The following CCDC12 variants were observed in gnomAD, a reference collection of about 807,000 sequenced individuals.
CCDC12 encodes coiled-coil domain-containing protein 12.
CCDC12 carries 28 observed loss-of-function variants against 25.7 expected under a neutral mutation model. The ratio of observed to expected loss-of-function variants is 1.09; its 90% CI spans 0.81 to 1.50. The LOEUF is 1.50. Among genes scored for constraint, CCDC12 ranks in the 40% most tolerant of loss-of-function variants. The pLI is 0.00. For missense variants in CCDC12, 198 were observed against 210.0 expected, an observed-to-expected ratio of 0.94 and a Z score of 0.35; for synonymous variants, 75 against 87.7, an observed-to-expected ratio of 0.86 and a Z score of 0.81.
intron 2 of CCDC12, among the ~76,000 whole-genome samples, chr3:46,937,323 T>A (rs1575543967): frequency 6.6e-6 from 1 of 152,170 alleles, no homozygotes; most frequent in East Asian, 1.9e-4. Context: ...ATGTTCTCCA[T>A]AAGGCCTTGT....
intron 1 of CCDC12, among the ~76,000 whole-genome samples, chr3:46,952,320 A>C (rs2034154727): frequency 6.6e-6 from 1 of 152,218 alleles, no homozygotes; most frequent in African/African-American, 2.4e-5. Context: ...CTTGTTGCAC[A>C]GATGCAAGAA....
chr3:46,977,366 G>C (rs1405187991), upstream of CCDC12, among the ~76,000 whole-genome samples: 2 of 151,856 alleles, frequency 1.3e-5, no homozygotes, highest in East Asian at 1.9e-4. Context: ...CCAGCTACTC[G>C]GGAGGCTGAG....
chr3:46,930,852 GCCTCT>G (rs2033178283), intron 2 of CCDC12, among the ~76,000 whole-genome samples: 1 of 152,072 alleles, frequency 6.6e-6, no homozygotes, highest in Non-Finnish European at 1.5e-5. Context: ...TGCCCCACTT[GCCTCT>G]CTACCCTCTC....
chr3:46,976,514 A>AGCGCCCGCGCATGC (rs1379646737), intron 1 of CCDC12, 123 bp downstream of exon 1: 75 of 1,446,658 alleles, frequency 5.2e-5, no homozygotes, highest in Non-Finnish European at 6.4e-5. Context: ...CGCATGCGTT[A>AGCGCCCGCGCATGC]GCGCCCGCGC....
Position 46,948,693 on chromosome 3 carries a change from G to A in CCDC12, c.97-7628C>T, listed in dbSNP as rs185999337. On this transcript the variant is annotated intron_variant, in intron 1 of 6. Transcript: ENST00000683445. ...CCCGCTCCACTCAGAAGAGAGGCAC[G>A]CTGGGCCCCACCATCCATATGGCAC... Among the ~76,000 whole-genome samples, 190 of 152,340 alleles carry A rather than the reference G, an allele frequency of 1.2e-3. 1 individual carries two copies. Among genetic ancestry groups the A allele is most frequent in the East Asian group, 5.6e-3 (29 of 5,180 alleles).
chr3:46,931,488 TTTCATGG>T (rs2033209565), intron 2 of CCDC12, among the ~76,000 whole-genome samples: 2 of 151,716 alleles, frequency 1.3e-5, no homozygotes, highest in Non-Finnish European at 2.9e-5. Flanking sequence ...CTCATGGGGG[TTTCATGG>T]CCCCTGGTCC....
intron 1 of CCDC12, among the ~76,000 whole-genome samples, chr3:46,947,461 A>G (rs948694057): frequency 6.6e-6 from 1 of 152,042 alleles, no homozygotes; most frequent in Admixed American, 6.5e-5. Flanking sequence ...CCGGAGTCTG[A>G]CTCACCCTGA....
intron 1 of CCDC12, among the ~76,000 whole-genome samples, chr3:46,949,336 C>A (rs1387765518): frequency 6.6e-6 from 1 of 152,144 alleles, no homozygotes; most frequent in Non-Finnish European, 1.5e-5. Flanking sequence ...AAGGCCCCTC[C>A]CACTGCCCTG....
chr3:46,974,741 C>A (rs547375153), intron 1 of CCDC12, among the ~76,000 whole-genome samples: 2 of 152,190 alleles, frequency 1.3e-5, no homozygotes, highest in Non-Finnish European at 2.9e-5. Context: ...GTGGGAAGTG[C>A]CCCCCATCTC....
intron 1 of CCDC12, among the ~76,000 whole-genome samples, chr3:46,950,092 C>T (rs2107158644): frequency 6.6e-6 from 1 of 152,054 alleles, no homozygotes; most frequent in Middle Eastern, 3.4e-3. Context: ...CCAAGTCCTG[C>T]TGTCCCTCAG....
intron 1 of CCDC12, among the ~76,000 whole-genome samples, chr3:46,957,036 C>T (rs925432358): frequency 2.6e-5 from 4 of 152,166 alleles, no homozygotes; most frequent in East Asian, 1.9e-4. Context: ...ACAAAAGCTC[C>T]ACCTTGAGTC....
intron 1 of CCDC12, among the ~76,000 whole-genome samples, chr3:46,942,131 C>A (rs1053002177): frequency 6.6e-6 from 1 of 152,262 alleles, no homozygotes; most frequent in South Asian, 2.1e-4. Flanking sequence ...ACTGCTTCCA[C>A]CTGAAGCAGA....
intron 1 of CCDC12, among the ~76,000 whole-genome samples, chr3:46,954,288 T>A (rs1236528433): frequency 2.0e-5 from 3 of 152,118 alleles, no homozygotes; most frequent in Non-Finnish European, 4.4e-5. Flanking sequence ...GTAGATAGGA[T>A]CCTTAGGCTG....
At position 46,936,307 on chromosome 3, in the gene CCDC12, C is replaced by T. The variant is rs1026624124; in HGVS notation, c.164+4691G>A. On this transcript the variant is annotated intron_variant, in intron 2 of 6. Transcript: ENST00000683445. ...ACTCCCATCCATTGCCTCACATTTC[C>T]CCCAACTGTTGCCTTATTTGCAAAG... 2.6e-5 allele frequency among the ~76,000 whole-genome samples: 4 copies of T among 152,214 alleles called. No homozygotes were observed. The South Asian group carries it at 8.3e-4, about 32-fold the overall frequency.
At chr3:46,925,862 C>G (rs1267944723) in intron 2 of CCDC12, among the ~76,000 whole-genome samples, 4 of 152,216 alleles carry the variant, frequency 2.6e-5, no homozygotes, top group African/African-American at 9.6e-5. Flanking sequence ...GATAAGGGGA[C>G]TGGAGGTCAG....
At chr3:46,944,287 C>G (rs905093854) in intron 1 of CCDC12, among the ~76,000 whole-genome samples, 1 of 152,050 alleles carries the variant, frequency 6.6e-6, no homozygotes, top group Non-Finnish European at 1.5e-5. Flanking sequence ...GCCAAGGAGA[C>G]GAGAGAGAGG....
intron 1 of CCDC12, among the ~76,000 whole-genome samples, chr3:46,947,491 G>A (rs1046417664): frequency 6.6e-6 from 1 of 152,206 alleles, no homozygotes; most frequent in Non-Finnish European, 1.5e-5. Context: ...GATAAGAAGT[G>A]AGCTGAACAC....
chr3:46,925,960 C>G (rs760992553), intron 2 of CCDC12, among the ~76,000 whole-genome samples: 1 of 152,262 alleles, frequency 6.6e-6, no homozygotes, highest in African/African-American at 2.4e-5. Flanking sequence ...AGGGCTAAAG[C>G]TCCTAGGCTG....
chr3:46,959,478 C>T (rs1036626401), intron 1 of CCDC12, among the ~76,000 whole-genome samples: 4 of 152,184 alleles, frequency 2.6e-5, no homozygotes, highest in African/African-American at 4.8e-5. Context: ...GAGACTCTCA[C>T]CTGTGTCTTC....
Sources: allele counts gnomAD v4.1 joint callset (sites outside exome capture counted in the v4.1 genomes callset), GRCh38; gene constraint gnomAD v4.1.1; transcripts MANE v1.5; gene names NCBI Gene and HGNC (gene_info 2026-07-23, HGNC 2026-07-21).